Variants in KCNH7 observed in about 807,000 individuals in gnomAD.
KCNH7 encodes voltage-gated inwardly rectifying potassium channel KCNH7.
Under a neutral mutation model 120.8 loss-of-function variants are expected in KCNH7, and 49 were observed. The observed-to-expected ratio is 0.41, with a 90% CI of 0.32 to 0.51. The LOEUF is 0.51. Among genes scored for constraint, KCNH7 ranks in the 20% least tolerant of loss-of-function variants. KCNH7 has a pLI of 0.38. For synonymous variants in KCNH7, 547 were observed against 516.1 expected (o/e 1.06, Z -0.81); for missense variants, 1,097 against 1,446.6 (o/e 0.76, Z 3.92).
chr2:162,666,688 T>C (rs1342946357), intron 2 of KCNH7, among the ~76,000 whole-genome samples: 1 of 152,182 alleles, frequency 6.6e-6, no homozygotes, highest in Admixed American at 6.5e-5. Context: ...TAAAGCACCT[T>C]ATCAAATTTT....
At chr2:162,558,966 A>G (rs1453279718) in intron 2 of KCNH7, among the ~76,000 whole-genome samples, 3 of 149,454 alleles carry the variant, frequency 2.0e-5, no homozygotes, top group Admixed American at 1.3e-4. Flanking sequence ...GAGGCAGGAG[A>G]ATGGCGTGAA....
chr2:162,501,213 T>A (rs568751474), intron 6 of KCNH7, among the ~76,000 whole-genome samples: 1 of 152,086 alleles, frequency 6.6e-6, no homozygotes, highest in East Asian at 1.9e-4. Context: ...CAGTCCCTTA[T>A]TATTTCTAGC....
chr2:162,616,958 G>A (rs1015402323), intron 2 of KCNH7, among the ~76,000 whole-genome samples: 4 of 151,980 alleles, frequency 2.6e-5, no homozygotes, highest in African/African-American at 7.2e-5. Context: ...GTGCATAATC[G>A]TTCTCTCTCT....
At chr2:162,480,503 T>C (rs931441184) in intron 6 of KCNH7, among the ~76,000 whole-genome samples, 1 of 152,196 alleles carries the variant, frequency 6.6e-6, no homozygotes. Context: ...TCCTGCATGT[T>C]TCCATCAATA....
At chr2:162,452,039 A>G (rs1688791377) in intron 6 of KCNH7, among the ~76,000 whole-genome samples, 1 of 152,126 alleles carries the variant, frequency 6.6e-6, no homozygotes, top group Non-Finnish European at 1.5e-5. Context: ...AGATACGGAA[A>G]TGATATTATA....
intron 2 of KCNH7, among the ~76,000 whole-genome samples, chr2:162,808,696 C>T (rs1173704848): frequency 6.6e-6 from 1 of 151,924 alleles, no homozygotes; most frequent in Non-Finnish European, 1.5e-5. Context: ...GCACCATACA[C>T]ACACATGCAT....
rs140730494 is a variant in KCNH7, at chr2:162,676,571, C to T, written c.308-139491G>A. On this transcript the variant is annotated intron_variant, in intron 2 of 15. Coordinates refer to ENST00000332142, the MANE Select transcript of KCNH7 (RefSeq NM_033272.4). ...AATAGAAAGAACCAATTGAACCTTC[C>T]CTAGCAAACAAGGCACTTTCAATTT... Among the ~76,000 whole-genome samples, 510 of 151,428 alleles carry T rather than the reference C, an allele frequency of 3.4e-3. 6 individuals are homozygous for T. The highest frequency in any genetic ancestry group is 0.012 in the African/African-American group (488 of 41,418).
intron 6 of KCNH7, among the ~76,000 whole-genome samples, chr2:162,452,895 CGGTT>C (rs1162956205): frequency 6.6e-6 from 1 of 151,842 alleles, no homozygotes; most frequent in Non-Finnish European, 1.5e-5. Context: ...TTCTAGGAAA[CGGTT>C]GGTCTCTCAA....
intron 2 of KCNH7, among the ~76,000 whole-genome samples, chr2:162,809,705 C>A (rs1467429019): frequency 2.0e-5 from 3 of 152,018 alleles, no homozygotes; most frequent in African/African-American, 7.2e-5. Context: ...TTTTTCATCT[C>A]ATGTAAACAT....
chr2:162,803,154 G>A (rs1477562766), intron 2 of KCNH7, among the ~76,000 whole-genome samples: 1 of 151,654 alleles, frequency 6.6e-6, no homozygotes, highest in African/African-American at 2.4e-5. Flanking sequence ...TTTATTCACA[G>A]ACAAAATTAT....
chr2:162,402,073 C>T (rs1273458520), intron 9 of KCNH7, among the ~76,000 whole-genome samples: 1 of 151,576 alleles, frequency 6.6e-6, no homozygotes, highest in African/African-American at 2.4e-5. Flanking sequence ...GGGCACTCAT[C>T]TGTAATCTCT....
intron 2 of KCNH7, among the ~76,000 whole-genome samples, chr2:162,745,943 C>A (rs1253682018): frequency 6.6e-6 from 1 of 151,746 alleles, no homozygotes; most frequent in Non-Finnish European, 1.5e-5. Context: ...TTGCTACCTC[C>A]CAGCTCAGCT....
At chr2:162,375,266 G>C (rs1486515309) in intron 14 of KCNH7, among the ~76,000 whole-genome samples, 2 of 152,172 alleles carry the variant, frequency 1.3e-5, no homozygotes, top group Admixed American at 6.5e-5. Context: ...GGAAAGACTG[G>C]AAGAAGAACT....
At chr2:162,669,874 C>T (rs935714908) in intron 2 of KCNH7, among the ~76,000 whole-genome samples, 19 of 151,964 alleles carry the variant, frequency 1.3e-4, no homozygotes, top group Admixed American at 3.9e-4. Context: ...CCGAGGCGGG[C>T]GGATAACCTG....
chr2:162,729,554 C>CT (rs1335649440), intron 2 of KCNH7, among the ~76,000 whole-genome samples: 2 of 152,024 alleles, frequency 1.3e-5, no homozygotes, highest in East Asian at 3.9e-4. Flanking sequence ...GTTCTAGTAA[C>CT]TTTTTTATCA....
intron 2 of KCNH7, among the ~76,000 whole-genome samples, chr2:162,807,841 C>A (rs550166760): frequency 6.6e-6 from 1 of 152,060 alleles, no homozygotes; most frequent in Non-Finnish European, 1.5e-5. Flanking sequence ...CGCCACCACA[C>A]CCAGCTAATT....
intron 15 of KCNH7, among the ~76,000 whole-genome samples, chr2:162,373,120 TAAA>T (rs924986200): frequency 2.6e-5 from 4 of 152,136 alleles, no homozygotes; most frequent in African/African-American, 9.7e-5. Context: ...GATTTTTCCT[TAAA>T]GCCCTTTTAA....
At chr2:162,430,068 G>C (rs1032968100) in intron 8 of KCNH7, among the ~76,000 whole-genome samples, 1 of 151,606 alleles carries the variant, frequency 6.6e-6, no homozygotes, top group Non-Finnish European at 1.5e-5. Context: ...AAAGTTAGAT[G>C]TTCTTGCAGG....
chr2:162,395,148 A>G (rs186944185), intron 11 of KCNH7, among the ~76,000 whole-genome samples: 46 of 151,968 alleles, frequency 3.0e-4, no homozygotes, highest in African/African-American at 1.1e-3. Flanking sequence ...AAGGCTTCTA[A>G]TAAATAGTAG....
Sources: allele counts gnomAD v4.1 joint callset (sites outside exome capture counted in the v4.1 genomes callset), GRCh38; gene constraint gnomAD v4.1.1; transcripts MANE v1.5; gene names NCBI Gene and HGNC (gene_info 2026-07-23, HGNC 2026-07-21).